Variants in PDE1A observed in about 807,000 individuals in gnomAD.
The protein encoded by PDE1A is phosphodiesterase 1A.
A neutral mutation model predicts 61.7 loss-of-function variants in PDE1A; 35 were observed. The observed-to-expected ratio is 0.57, with a 90% CI of 0.43 to 0.75. PDE1A has a LOEUF of 0.75. Ranked by LOEUF, PDE1A falls within the 30% of genes least tolerant of loss-of-function variation. The probability of loss-of-function intolerance (pLI) is 0.00; values close to 1 mark genes in which losing one functional copy is unlikely to be tolerated. For synonymous variants in PDE1A, 232 were observed against 213.2 expected (o/e 1.09, Z -0.77); for missense variants, 597 against 630.6 (o/e 0.95, Z 0.57).
At chr2:182,565,511 A>G in the PDE1A span, among the ~76,000 whole-genome samples, 2 of 152,038 alleles carry the variant, frequency 1.3e-5, no homozygotes, top group Non-Finnish European at 2.9e-5. Context: ...GGGATCAGGG[A>G]CCCACTTGAG....
intron 3 of PDE1A, among the ~76,000 whole-genome samples, chr2:182,239,618 A>AAAT (rs1380554174): frequency 6.6e-6 from 1 of 152,150 alleles, no homozygotes; most frequent in African/African-American, 2.4e-5. Context: ...TGAAAAAAAA[A>AAAT]AATAACCTAT....
the PDE1A span, among the ~76,000 whole-genome samples, chr2:182,701,271 G>C: frequency 2.0e-5 from 3 of 152,002 alleles, no homozygotes; most frequent in Non-Finnish European, 4.4e-5. Flanking sequence ...TCCTGACCTC[G>C]TGATCCGCCC....
At chr2:182,228,744 T>C (rs908507422) in intron 6 of PDE1A, among the ~76,000 whole-genome samples, 4 of 152,154 alleles carry the variant, frequency 2.6e-5, no homozygotes, top group African/African-American at 9.7e-5. Context: ...CATTATTCTC[T>C]TTAGTTCAAA....
At chr2:182,343,849 T>C (rs1420906526) in intron 1 of PDE1A, among the ~76,000 whole-genome samples, 1 of 146,224 alleles carries the variant, frequency 6.8e-6, no homozygotes, top group African/African-American at 2.5e-5. Flanking sequence ...AAATACATAG[T>C]AATCTCTTAA....
chr2:182,479,239 A>C (rs1182656133), intron 2 of PDE1A, among the ~76,000 whole-genome samples: 1 of 151,938 alleles, frequency 6.6e-6, no homozygotes, highest in Non-Finnish European at 1.5e-5. Context: ...TTCTATAAAA[A>C]TCAGCAATTG....
the PDE1A span, among the ~76,000 whole-genome samples, chr2:182,700,926 CA>C: frequency 6.6e-6 from 1 of 151,366 alleles, no homozygotes; most frequent in Non-Finnish European, 1.5e-5. Flanking sequence ...CACACACACG[CA>C]AAAAAAGTAA....
intron 13 of PDE1A, among the ~76,000 whole-genome samples, chr2:182,178,569 G>GA (rs2067018304): frequency 6.6e-6 from 1 of 152,104 alleles, no homozygotes; most frequent in African/African-American, 2.4e-5. Context: ...AGAATTCTGA[G>GA]AAAAAGTCAG....
At chr2:182,387,002 G>A (rs1701147235) in intron 1 of PDE1A, among the ~76,000 whole-genome samples, 1 of 152,258 alleles carries the variant, frequency 6.6e-6, no homozygotes, top group African/African-American at 2.4e-5. Flanking sequence ...GGAAAAGATA[G>A]AGAGATCGGA....
chr2:182,285,653 C>G (rs978423161), intron 1 of PDE1A, among the ~76,000 whole-genome samples: 8 of 152,086 alleles, frequency 5.3e-5, no homozygotes, highest in African/African-American at 1.9e-4. Context: ...CATCTTGAAA[C>G]AAGTGGCAGC....
chr2:182,427,111 G>T, upstream of PDE1A: 2 of 641,232 alleles, frequency 3.1e-6, no homozygotes, highest in Non-Finnish European at 3.9e-6. Flanking sequence ...AAGTTGTACA[G>T]CTGGTTCAGC....
intron 1 of PDE1A, among the ~76,000 whole-genome samples, chr2:182,266,629 C>G (rs1692650825): frequency 6.6e-6 from 1 of 152,154 alleles, no homozygotes; most frequent in African/African-American, 2.4e-5. Context: ...TTTCTAAGCT[C>G]TCTTGAAGCT....
At chr2:182,495,961 T>C (rs1184190715) in intron 2 of PDE1A, among the ~76,000 whole-genome samples, 3 of 152,222 alleles carry the variant, frequency 2.0e-5, no homozygotes, top group East Asian at 3.8e-4. Context: ...AAGGCTTGTA[T>C]GGAGATTTAG....
At chr2:182,301,705 C>A (rs1214363018) in intron 1 of PDE1A, among the ~76,000 whole-genome samples, 1 of 152,156 alleles carries the variant, frequency 6.6e-6, no homozygotes, top group Non-Finnish European at 1.5e-5. Context: ...TGATAATGAA[C>A]AGTATGTCTT....
chr2:182,646,190 G>A, the PDE1A span, among the ~76,000 whole-genome samples: 1 of 152,210 alleles, frequency 6.6e-6, no homozygotes, highest in Admixed American at 6.5e-5. Flanking sequence ...GGGCATGCCT[G>A]TAATCCCAGC....
At chr2:182,544,588 G>A in the PDE1A span, among the ~76,000 whole-genome samples, 1 of 152,152 alleles carries the variant, frequency 6.6e-6, no homozygotes, top group Non-Finnish European at 1.5e-5. Context: ...GTGATGTCGT[G>A]GAGATAGAAT....
intron 1 of PDE1A, among the ~76,000 whole-genome samples, chr2:182,297,198 A>AT (rs1393710506): frequency 6.6e-6 from 1 of 152,136 alleles, no homozygotes; most frequent in Non-Finnish European, 1.5e-5. Context: ...CTATAAAGTA[A>AT]TTTTTGGCAG....
At chr2:182,383,909 A>G (rs1700876322) in intron 1 of PDE1A, among the ~76,000 whole-genome samples, 1 of 152,184 alleles carries the variant, frequency 6.6e-6, no homozygotes, top group Non-Finnish European at 1.5e-5. Context: ...GGCCTACTAC[A>G]GTAAAACTCA....
intron 2 of PDE1A, among the ~76,000 whole-genome samples, chr2:182,252,847 G>A (rs1195246742): frequency 1.3e-5 from 2 of 152,184 alleles, no homozygotes; most frequent in East Asian, 3.9e-4. Context: ...ACTCCAGCTA[G>A]ACTGATGGGG....
At chr2:182,541,445 T>C in the PDE1A span, among the ~76,000 whole-genome samples, 1 of 152,222 alleles carries the variant, frequency 6.6e-6, no homozygotes, top group African/African-American at 2.4e-5. Flanking sequence ...TGCTTAATAT[T>C]TCTAGTTTCC....
Sources: gnomAD v4.1 joint callset for allele counts (sites outside exome capture counted in the v4.1 genomes callset) on GRCh38, gnomAD v4.1.1 for gene constraint, MANE v1.5 for transcripts, NCBI Gene and HGNC (gene_info 2026-07-23, HGNC 2026-07-21) for gene names.